Variants in TG observed in about 807,000 individuals in gnomAD.
The protein encoded by TG is thyroid hormones.
In TG, 270 loss-of-function variants were observed where a neutral mutation model predicts 324.7. The observed-to-expected ratio is 0.83, with a 90% CI of 0.75 to 0.92. TG has a LOEUF of 0.92. Among genes scored for constraint, TG ranks in the 40% least tolerant of loss-of-function variants. The pLI is 0.00. For missense variants in TG, 3,591 were observed against 3,456.4 expected (o/e 1.04, Z -0.98); for synonymous variants, 1,401 against 1,327.0 (o/e 1.06, Z -1.21).
chr8:133,133,308 T>C, intron 46 of TG, 162 bp from the exon 47 acceptor site: 1 of 754,702 alleles, frequency 1.3e-6, no homozygotes, highest in Non-Finnish European at 2.3e-6. Context: ...GCAGTCAAGA[T>C]CACAACCCCA....
chr8:133,113,665 G>T (rs1025917374), intron 44 of TG, 62 bp downstream of exon 44: 1 of 1,573,744 alleles, frequency 6.4e-7, no homozygotes, highest in African/African-American at 1.4e-5. Flanking sequence ...GACTCAGTTG[G>T]TGTTCAGGTC....
chr8:132,929,588 C>A (rs1224299829), intron 23 of TG, among the ~76,000 whole-genome samples: 1 of 150,646 alleles, frequency 6.6e-6, no homozygotes, highest in South Asian at 2.1e-4. Context: ...CATAAACTGG[C>A]CATTGCTATC....
At chr8:132,935,708 A>C (rs761102151) in intron 24 of TG, 48 bp from the exon 25 acceptor site, 10 of 1,512,978 alleles carry the variant, frequency 6.6e-6, no homozygotes, top group African/African-American at 4.1e-5. Flanking sequence ...TGTTGGATTG[A>C]ATTATAAAGT....
chr8:133,102,580 G>T, intron 43 of TG: 2 of 1,551,362 alleles, frequency 1.3e-6, no homozygotes, highest in Non-Finnish European at 1.7e-6. Flanking sequence ...TGCCTGAGAT[G>T]TTCTCCATTC....
intron 35 of TG, among the ~76,000 whole-genome samples, chr8:132,989,457 G>C (rs766974061): frequency 2.4e-4 from 36 of 152,178 alleles, no homozygotes; most frequent in South Asian, 1.9e-3. Context: ...CTGGCAGAGC[G>C]GACTGTGAAG....
intron 41 of TG, chr8:133,047,435 C>T (rs569759236): frequency 5.0e-6 from 1 of 201,130 alleles, no homozygotes; most frequent in South Asian, 6.4e-5. Flanking sequence ...CTCCATTTCA[C>T]AGATGAGAAA....
At chr8:133,043,156 G>C (rs1838634550) in intron 41 of TG, among the ~76,000 whole-genome samples, 1 of 152,132 alleles carries the variant, frequency 6.6e-6, no homozygotes, top group African/African-American at 2.4e-5. Flanking sequence ...CGATGACCAG[G>C]AACATACTGC....
chr8:133,061,151 C>G (rs572843169), intron 41 of TG, among the ~76,000 whole-genome samples: 1 of 152,204 alleles, frequency 6.6e-6, no homozygotes, highest in Non-Finnish European at 1.5e-5. Flanking sequence ...GCTGGGATTA[C>G]AGGCACACAT....
chr8:132,955,815 C>T (rs1026097283), intron 27 of TG, among the ~76,000 whole-genome samples: 3 of 152,278 alleles, frequency 2.0e-5, no homozygotes, highest in South Asian at 2.1e-4. Flanking sequence ...AATTGACTGC[C>T]GCAGATGCAG....
chr8:132,881,954 G>T lies in TG; in HGVS notation c.730G>T (p.Glu244Ter). The T allele has an allele frequency of 1.2e-6, 2 of 1,613,218 alleles. No homozygotes were observed. Among genetic ancestry groups the T allele is most frequent in the Non-Finnish European group, 1.7e-6 (2 of 1,179,172 alleles). ...YCHCADSQGR[E>*]LAETGLELLL... ...CCACTGTGCTGACAGCCAAGGGCGG[G>T]AACTGGCTGAGACAGGTGAGTGATA... is the stretch of plus-strand genomic sequence containing the variant. The change falls in exon 6 of 48, where the codon GAA (glutamate) becomes TAA (stop). Residue 244 changes from glutamate (E) to a stop codon, truncating the protein, a stop_gained. Coordinates refer to ENST00000220616, the MANE Select transcript of TG (RefSeq NM_003235.5). LOFTEE classifies it high-confidence loss of function.
intron 34 of TG, among the ~76,000 whole-genome samples, chr8:132,981,676 A>G (rs1830867618): frequency 6.6e-6 from 1 of 152,196 alleles, no homozygotes; most frequent in Non-Finnish European, 1.5e-5. Flanking sequence ...CTTGCTTGAA[A>G]TGTAGACCTC....
rs374956792 is a variant in TG, at chr8:132,898,782, C to A, written c.3218-16C>A. On this transcript the variant is annotated splice_polypyrimidine_tract_variant and intron_variant, in intron 13 of 47. Transcript: ENST00000220616. ...TCCCACGACCAGTCCTTTACAAGCA[C>A]CTCTCTCTCCCACAGGCCCGACAAC... 1 of 1,612,586 alleles carries A rather than the reference C, an allele frequency of 6.2e-7. No individual in the cohort carries two copies. The highest frequency in any genetic ancestry group is 1.3e-5 in the African/African-American group (1 of 74,892).
chr8:132,963,530 G>A (rs771702175), intron 29 of TG, among the ~76,000 whole-genome samples: 2 of 152,188 alleles, frequency 1.3e-5, no homozygotes, highest in African/African-American at 4.8e-5. Context: ...CAGTACGTAT[G>A]TACTGTCTGG....
At chr8:132,880,978 T>C (rs1221224833) in intron 5 of TG, among the ~76,000 whole-genome samples, 1 of 152,240 alleles carries the variant, frequency 6.6e-6, no homozygotes, top group Non-Finnish European at 1.5e-5. Flanking sequence ...TGTACACAGC[T>C]GCTGCTTCCG....
intron 22 of TG, 69 bp from the exon 23 acceptor site, chr8:132,929,007 C>T (rs1436157752): frequency 1.5e-6 from 2 of 1,316,810 alleles, no homozygotes; most frequent in Non-Finnish European, 2.2e-6. Flanking sequence ...ACCTAACAGT[C>T]TTTATGGCTT....
At chr8:132,946,700 G>C (rs1053969127) in intron 26 of TG, among the ~76,000 whole-genome samples, 1 of 152,058 alleles carries the variant, frequency 6.6e-6, no homozygotes, top group African/African-American at 2.4e-5. Flanking sequence ...AATTCATGGG[G>C]CTTCTGAACT....
chr8:132,983,714 G>A (rs370410383), intron 35 of TG: 10 of 479,498 alleles, frequency 2.1e-5, no homozygotes, highest in South Asian at 1.2e-4. Flanking sequence ...TCGCCCTATC[G>A]AGTAATGACT....
intron 41 of TG, among the ~76,000 whole-genome samples, chr8:133,090,305 G>A (rs931781916): frequency 6.6e-6 from 1 of 152,202 alleles, no homozygotes; most frequent in African/African-American, 2.4e-5. Flanking sequence ...AGAAGCCCTG[G>A]GTTTGGAGTT....
chr8:133,004,958 T>C (rs1833893936), intron 35 of TG, among the ~76,000 whole-genome samples: 1 of 152,142 alleles, frequency 6.6e-6, no homozygotes, highest in South Asian at 2.1e-4. Context: ...GGGCTGAGCA[T>C]GTAGACTCCA....
Sources: gnomAD v4.1 joint callset for allele counts (sites outside exome capture counted in the v4.1 genomes callset) on GRCh38, gnomAD v4.1.1 for gene constraint, MANE v1.5 for transcripts, NCBI Gene and HGNC (gene_info 2026-07-23, HGNC 2026-07-21) for gene names.